Variants in GALNT10 observed in about 807,000 individuals in gnomAD.
GALNT10 encodes the protein GalNAc transferase 10.
GALNT10 carries 41 observed loss-of-function variants against 75.0 expected under a neutral mutation model. That is an observed-to-expected ratio of 0.55 (90% CI 0.43 to 0.71). GALNT10 has a LOEUF of 0.71. Among genes scored for constraint, GALNT10 ranks in the 30% least tolerant of loss-of-function variants. The pLI is 0.00. For missense variants in GALNT10, 727 were observed against 818.5 expected, an observed-to-expected ratio of 0.89 and a Z score of 1.36; for synonymous variants, 302 against 313.0, an observed-to-expected ratio of 0.96 and a Z score of 0.37.
chr5:154,392,544 C>G (rs1157930323), intron 7 of GALNT10: 1 of 152,264 alleles, frequency 6.6e-6, no homozygotes, highest in Non-Finnish European at 1.5e-5. Context: ...CCAGACTGTG[C>G]TGATACGGTT....
intron 1 of GALNT10, among the ~76,000 whole-genome samples, chr5:154,255,164 G>A (rs1217640004): frequency 6.6e-6 from 1 of 151,978 alleles, no homozygotes; most frequent in East Asian, 1.9e-4. Flanking sequence ...CCTAACTCCT[G>A]TCTCTAACCC....
At chr5:154,407,373 G>A (rs1437079868) in intron 8 of GALNT10, among the ~76,000 whole-genome samples, 2 of 152,204 alleles carry the variant, frequency 1.3e-5, no homozygotes, top group African/African-American at 4.8e-5. Context: ...ACAGTGAACT[G>A]TAGCAAAAAA....
At chr5:154,247,677 T>C (rs1753450255) in intron 1 of GALNT10, among the ~76,000 whole-genome samples, 1 of 152,250 alleles carries the variant, frequency 6.6e-6, no homozygotes. Context: ...CCTGAGACTT[T>C]GCTGAAGTTG....
chr5:154,415,010 C>G (rs772538326), intron 10 of GALNT10, among the ~76,000 whole-genome samples: 6 of 152,120 alleles, frequency 3.9e-5, no homozygotes, highest in Non-Finnish European at 7.4e-5. Flanking sequence ...GTAATCCCAG[C>G]TACTTGGGAA....
chr5:154,284,419 C>G (rs1383469485), intron 1 of GALNT10, among the ~76,000 whole-genome samples: 1 of 152,200 alleles, frequency 6.6e-6, no homozygotes. Flanking sequence ...TACTGCGTGG[C>G]TCAACCCTAC....
intron 4 of GALNT10, among the ~76,000 whole-genome samples, chr5:154,360,432 CAA>C (rs1386000425): frequency 7.5e-6 from 1 of 133,476 alleles, no homozygotes; most frequent in Non-Finnish European, 1.5e-5. Flanking sequence ...GCCTGGGTGA[CAA>C]GAGCAAAACT....
chr5:154,277,566 C>T (rs367914050), intron 1 of GALNT10, among the ~76,000 whole-genome samples: 35 of 152,200 alleles, frequency 2.3e-4, no homozygotes, highest in African/African-American at 8.2e-4. Context: ...GAGAAATCTT[C>T]CTAAACTCTA....
intron 1 of GALNT10, among the ~76,000 whole-genome samples, chr5:154,196,891 G>A (rs1023736748): frequency 1.3e-5 from 2 of 152,148 alleles, no homozygotes; most frequent in Non-Finnish European, 2.9e-5. Flanking sequence ...TTGGGAAGAG[G>A]AGAAAGATAT....
rs1349106802 is a variant in GALNT10 at position 154,294,800 on chromosome 5, T to C, written c.160-16T>C. On this transcript the variant is annotated splice_polypyrimidine_tract_variant and intron_variant, in intron 1 of 11. Transcript: ENST00000297107. The stretch of plus-strand genomic sequence containing the variant: ...TTGCCCTTTTCTATTTTTCATAGTT[T>C]TTGTCTTTTTTTAAGGGCTCACACA... 2 of 1,385,844 alleles carry C rather than the reference T, an allele frequency of 1.4e-6. No homozygotes were observed. Among genetic ancestry groups the C allele is most frequent in the South Asian group, 2.3e-5 (2 of 86,332 alleles). The allele number at this position is 1,385,844 out of a possible 1,614,324, so 85.8% of individuals were successfully genotyped here.
At chr5:154,191,902 C>CTGCCTCCTTTGAA (rs1774866403) in intron 1 of GALNT10, among the ~76,000 whole-genome samples, 1 of 152,230 alleles carries the variant, frequency 6.6e-6, no homozygotes, top group African/African-American at 2.4e-5. Flanking sequence ...TTTGAACTTA[C>CTGCCTCCTTTGAA]CCACGTATGT....
intron 1 of GALNT10, among the ~76,000 whole-genome samples, chr5:154,267,949 CT>C (rs1205317040): frequency 6.6e-6 from 1 of 152,132 alleles, no homozygotes; most frequent in African/African-American, 2.4e-5. Flanking sequence ...AGGATATCCC[CT>C]TTTTCCTTTC....
Position 154,412,670 on chromosome 5 carries a change from TA to T in GALNT10, c.1387-218del, listed in dbSNP as rs1404580402. The T allele has an allele frequency of 2.1e-6, 1 of 486,036 alleles. No individual in the cohort carries two copies. Among genetic ancestry groups the T allele is most frequent in the Non-Finnish European group, 3.8e-6 (1 of 263,550 alleles). The allele number at this position is 486,036 out of a possible 1,614,324, so 30.1% of individuals were successfully genotyped here. A position where few individuals can be genotyped will look rare whatever the true frequency, so the allele number is the denominator to read the frequency against. ...CAGGACTCTGCATACTCTACAATAC[TA>T]CTTACAGCAGTGCTTTAAGGATTAC... On this transcript the variant is annotated intron_variant, in intron 9 of 11. Transcript: ENST00000297107. This position sits in a 1 kb window ranked among gnomAD's most constrained non-coding sequence, Gnocchi z 4.2.
intron 4 of GALNT10, among the ~76,000 whole-genome samples, chr5:154,346,405 A>C (rs1036223876): frequency 5.9e-5 from 9 of 152,186 alleles, no homozygotes; most frequent in Non-Finnish European, 1.2e-4. Flanking sequence ...CTGTATGGAA[A>C]ATATGAGCCA....
intron 8 of GALNT10, among the ~76,000 whole-genome samples, chr5:154,408,174 G>A (rs1756321781): frequency 6.6e-6 from 1 of 152,170 alleles, no homozygotes; most frequent in South Asian, 2.1e-4. Flanking sequence ...GAGACCATAT[G>A]GTCTGCAAAG....
In GALNT10 at chr5:154,292,316, C is replaced by T. The variant is rs151337757; in HGVS notation, c.160-2500C>T. 1.9e-3 allele frequency among the ~76,000 whole-genome samples: 286 copies of T among 152,294 alleles called. 1 individual carries two copies. The highest frequency in any genetic ancestry group is 3.4e-3 in the Middle Eastern group (1 of 294). On this transcript the variant is annotated intron_variant, in intron 1 of 11. Coordinates refer to ENST00000297107, the MANE Select transcript of GALNT10 (RefSeq NM_198321.4). ...TGCTTCTAGAGGTCTAGGGTAAGAC[C>T]CTGGGAATTTGCATTTCTGGCAAGT...
intron 4 of GALNT10, among the ~76,000 whole-genome samples, chr5:154,350,758 C>G (rs1054005025): frequency 1.3e-5 from 2 of 152,154 alleles, no homozygotes; most frequent in Non-Finnish European, 2.9e-5. Context: ...CAAGCTCGCT[C>G]CCGCACACCG....
chr5:154,246,143 A>T (rs1480523316), intron 1 of GALNT10, among the ~76,000 whole-genome samples: 2 of 151,280 alleles, frequency 1.3e-5, no homozygotes, highest in Non-Finnish European at 2.9e-5. Flanking sequence ...TGAATTCATC[A>T]TTTTTTTTGG....
Position 154,294,833 on chromosome 5 carries a change from A to C in GALNT10, c.177A>C (p.Gln59His). 6.3e-7 allele frequency: 1 copy of C among 1,596,418 alleles called. No individual in the cohort carries two copies. The highest frequency in any genetic ancestry group is 8.6e-7 in the Non-Finnish European group (1 of 1,163,828). Reference sequence around the variant, plus strand: ...TTTTTAAGGGCTCACACAGTCGACAAAAGAAAACGTTTTTCTTGGGAGATG... The same window carrying C: ...TTTTTAAGGGCTCACACAGTCGACACAAGAAAACGTTTTTCTTGGGAGATG... ...PAAGQGSHSRQKKTFFLGDGQ... is the reference protein window; with the variant it reads ...PAAGQGSHSRHKKTFFLGDGQ... The change falls in exon 2 of 12, where the codon CAA (glutamine) becomes CAC (histidine). Residue 59 changes from glutamine to histidine, a missense_variant. Gln to His is a conservative substitution (Grantham distance 24). Coordinates refer to ENST00000297107, the MANE Select transcript of GALNT10 (RefSeq NM_198321.4).
intron 1 of GALNT10, among the ~76,000 whole-genome samples, chr5:154,198,135 G>A (rs762446337): frequency 1.3e-5 from 2 of 152,150 alleles, no homozygotes; most frequent in East Asian, 1.9e-4. Context: ...TCCTGTCTCC[G>A]TTCCTCTTGG....
Sources: gnomAD v4.1 joint callset for allele counts (sites outside exome capture counted in the v4.1 genomes callset) on GRCh38, gnomAD v4.1.1 for gene constraint, Gnocchi (gnomAD v3.1) non-coding constraint, MANE v1.5 for transcripts, NCBI Gene and HGNC (gene_info 2026-07-23, HGNC 2026-07-21) for gene names.